The following MTCL2 variants were observed in gnomAD, a reference collection of about 807,000 sequenced individuals.
The protein encoded by MTCL2 is microtubule crosslinking factor 2.
chr20:36,819,924 G>A, the MTCL2 span, among the ~76,000 whole-genome samples: 37 of 152,328 alleles, frequency 2.4e-4, no homozygotes, highest in South Asian at 4.1e-4. Flanking sequence ...GGAGGAAACA[G>A]GGCTATGGGT....
the MTCL2 span, among the ~76,000 whole-genome samples, chr20:36,840,714 CG>C: frequency 6.6e-6 from 1 of 151,564 alleles, no homozygotes; most frequent in South Asian, 2.1e-4. Context: ...GGCATGGTGG[CG>C]GGTGCCTGTA....
chr20:36,800,986 T>C, the MTCL2 span, among the ~76,000 whole-genome samples: 1 of 152,248 alleles, frequency 6.6e-6, no homozygotes, highest in South Asian at 2.1e-4. Context: ...ACTGAAATAT[T>C]CATGCGTGTG....
At chr20:36,786,415 C>T in the MTCL2 span, 1 of 1,448,856 alleles carries the variant, frequency 6.9e-7, no homozygotes, top group Admixed American at 2.5e-5. Context: ...CTCACCTCGT[C>T]TCGTCTCTGC....
At chr20:36,815,816 G>C in the MTCL2 span, 26 of 1,594,280 alleles carry the variant, frequency 1.6e-5, no homozygotes, top group African/African-American at 2.7e-5. The surrounding 1 kb of genome is among the most constrained non-coding windows in gnomAD (Gnocchi z 5.3). Context: ...TGGCCAGCTC[G>C]TTCAGCAGCA....
the MTCL2 span, among the ~76,000 whole-genome samples, chr20:36,810,270 C>T: frequency 4.6e-5 from 7 of 152,130 alleles, no homozygotes; most frequent in African/African-American, 9.7e-5. Flanking sequence ...CTCTGAGGGT[C>T]GTCATGATGA....
At chr20:36,803,126 T>TA in the MTCL2 span, 1 of 1,582,034 alleles carries the variant, frequency 6.3e-7, no homozygotes, top group Non-Finnish European at 8.6e-7. Flanking sequence ...AGAAGCAGAC[T>TA]AAGCAGCTGG....
chr20:36,816,336 G>A, the MTCL2 span: 2 of 1,535,118 alleles, frequency 1.3e-6, no homozygotes, highest in African/African-American at 1.4e-5. Context: ...ACACAACCCA[G>A]GAAGGTTAGT....
the MTCL2 span, chr20:36,784,996 G>T: frequency 1.0e-6 from 1 of 985,530 alleles, no homozygotes; most frequent in African/African-American, 1.7e-5. Context: ...GAAGAAAGGT[G>T]TCAGAGGGAG....
the MTCL2 span, among the ~76,000 whole-genome samples, chr20:36,841,076 G>A: frequency 2.7e-5 from 4 of 149,394 alleles, no homozygotes; most frequent in African/African-American, 7.4e-5. Context: ...TTGGGAGGCC[G>A]AGGTGGGTGG....
At chr20:36,831,571 A>T in the MTCL2 span, among the ~76,000 whole-genome samples, 22 of 152,252 alleles carry the variant, frequency 1.4e-4, no homozygotes, top group African/African-American at 4.6e-4. Flanking sequence ...TTGGCAATGT[A>T]TGAGGCAGGC....
chr20:36,839,537 G>A, the MTCL2 span: 1 of 1,114,132 alleles, frequency 9.0e-7, no homozygotes, highest in Non-Finnish European at 1.3e-6. This position sits in a 1 kb window ranked among gnomAD's most constrained non-coding sequence, Gnocchi z 5.1. Flanking sequence ...AGCACCGTGG[G>A]GGACCTGGAT....
chr20:36,843,499 G>A, the MTCL2 span, among the ~76,000 whole-genome samples: 1 of 151,530 alleles, frequency 6.6e-6, no homozygotes, highest in Non-Finnish European at 1.5e-5. Context: ...AACCAGAGTG[G>A]AGAGGAGGAA....
At chr20:36,782,943 G>A in the MTCL2 span, 1 of 151,954 alleles carries the variant, frequency 6.6e-6, no homozygotes, top group African/African-American at 2.4e-5. Flanking sequence ...AGCTTGGGGG[G>A]TCTGGTGAGG....
the MTCL2 span, among the ~76,000 whole-genome samples, chr20:36,814,758 G>T: frequency 9.2e-5 from 14 of 152,270 alleles, 1 homozygote; most frequent in South Asian, 2.9e-3. Context: ...ATGATGGAGG[G>T]CGCCTGTAAT....
the MTCL2 span, chr20:36,810,111 T>G: frequency 6.3e-7 from 1 of 1,591,704 alleles, no homozygotes; most frequent in African/African-American, 1.3e-5. Context: ...CCTTGATCTG[T>G]GGTACAGACA....
the MTCL2 span, among the ~76,000 whole-genome samples, chr20:36,806,674 C>T: frequency 6.6e-6 from 1 of 152,024 alleles, no homozygotes; most frequent in Non-Finnish European, 1.5e-5. Context: ...TGTGCACCAC[C>T]GTTCCCAGCT....
the MTCL2 span, among the ~76,000 whole-genome samples, chr20:36,802,194 A>G: frequency 6.6e-6 from 1 of 152,070 alleles, no homozygotes; most frequent in Non-Finnish European, 1.5e-5. Context: ...GCTGAAGCAC[A>G]TGAATCACTT....
chr20:36,815,623 C>T, the MTCL2 span: 1 of 1,601,726 alleles, frequency 6.2e-7, no homozygotes, highest in Non-Finnish European at 8.5e-7. The surrounding 1 kb of genome is among the most constrained non-coding windows in gnomAD (Gnocchi z 5.3). Flanking sequence ...TGGCAGGAGG[C>T]GAGGTCACAG....
chr20:36,802,771 T>C, the MTCL2 span: 5 of 1,463,660 alleles, frequency 3.4e-6, no homozygotes, highest in South Asian at 1.3e-5. Flanking sequence ...GATCCAGCTA[T>C]ACCTGAAGGA....
Sources: allele counts gnomAD v4.1 joint callset (sites outside exome capture counted in the v4.1 genomes callset), GRCh38; gene constraint gnomAD v4.1.1; non-coding constraint Gnocchi (gnomAD v3.1); transcripts MANE v1.5; gene names NCBI Gene and HGNC (gene_info 2026-07-23, HGNC 2026-07-21).